The following DIAPH3 variants were observed in gnomAD, a reference collection of about 807,000 sequenced individuals.
DIAPH3 encodes the protein protein diaphanous homolog 3.
A neutral mutation model predicts 144.3 loss-of-function variants in DIAPH3; 117 were observed. The observed-to-expected ratio is 0.81, with a 90% CI of 0.70 to 0.95. The LOEUF (loss-of-function observed/expected upper bound fraction) is 0.95. Among genes scored for constraint, DIAPH3 ranks in the 40% least tolerant of loss-of-function variants. The pLI, the probability that DIAPH3 is intolerant of heterozygous loss-of-function variation, is 0.00. For synonymous variants in DIAPH3, 519 were observed against 488.9 expected (o/e 1.06, Z -0.81); for missense variants, 1,421 against 1,412.7 (o/e 1.01, Z -0.09).
intron 25 of DIAPH3, among the ~76,000 whole-genome samples, chr13:59,791,056 A>T (rs1280864286): frequency 6.6e-6 from 1 of 152,166 alleles, no homozygotes; most frequent in Non-Finnish European, 1.5e-5. Flanking sequence ...CGCTATAATA[A>T]TCTCAAACTC....
intron 9 of DIAPH3, among the ~76,000 whole-genome samples, chr13:59,995,414 A>C (rs528304522): frequency 7.9e-5 from 12 of 151,958 alleles, no homozygotes; most frequent in Non-Finnish European, 1.5e-4. Flanking sequence ...AAGGGTAAGA[A>C]AACAAGGAAC....
intron 17 of DIAPH3, among the ~76,000 whole-genome samples, chr13:59,934,456 C>G (rs573473242): frequency 1.0e-3 from 158 of 152,036 alleles, no homozygotes; most frequent in African/African-American, 3.6e-3. Context: ...TTCAACTCAA[C>G]TAAAAAAATA....
Position 60,146,818 on chromosome 13 carries a change from G to T in DIAPH3, c.181-13829C>A, listed in dbSNP as rs549201419. Among the ~76,000 whole-genome samples the T allele has an allele frequency of 1.9e-4, 29 of 152,320 alleles. 1 individual carries two copies. The South Asian group carries it at 5.8e-3, about 30-fold the overall frequency. Reference sequence around the variant, plus strand: ...CACACTAATAAAAAAAGGCAACAAGGTTTGCAGGAAGTCAGCAGCTGATAG... The same window carrying T: ...CACACTAATAAAAAAAGGCAACAAGTTTTGCAGGAAGTCAGCAGCTGATAG... On this transcript the variant is annotated intron_variant, in intron 1 of 27. Coordinates refer to ENST00000400324, the MANE Select transcript of DIAPH3 (RefSeq NM_001042517.2).
intron 27 of DIAPH3, among the ~76,000 whole-genome samples, chr13:59,684,406 T>C (rs1437990414): frequency 6.6e-6 from 1 of 152,200 alleles, no homozygotes; most frequent in African/African-American, 2.4e-5. Context: ...TGTTGTATTA[T>C]GGGGTTAGTT....
Position 59,971,043 on chromosome 13 carries a change from G to T in DIAPH3, c.1768C>A (p.Pro590Thr). The stretch of plus-strand genomic sequence containing the variant: ...GGAGGAGGTGGTGGGGGAGGAGGTG[G>T]AGGCGGCACCCCTCCACCAGAAGGC... ...PLPSGGGVPP[P>T]PPPPPPPPLP... Residue 590 changes from proline (P) to threonine (T), a missense_variant, in exon 16 of 28, where the codon CCA becomes ACA. By Grantham distance (38) the Pro-to-Thr change is conservative. Coordinates refer to ENST00000400324, the MANE Select transcript of DIAPH3 (RefSeq NM_001042517.2). 6.2e-7 allele frequency: 1 copy of T among 1,612,710 alleles called. No individual in the cohort carries two copies. Among genetic ancestry groups the T allele is most frequent in the Non-Finnish European group, 8.5e-7 (1 of 1,179,164 alleles).
At chr13:60,091,044 A>G (rs1740987577) in intron 4 of DIAPH3, among the ~76,000 whole-genome samples, 1 of 152,212 alleles carries the variant, frequency 6.6e-6, no homozygotes, top group Non-Finnish European at 1.5e-5. Context: ...CTCAAATTCA[A>G]GAATTAATAT....
chr13:59,831,785 G>C (rs1430152668), intron 24 of DIAPH3, among the ~76,000 whole-genome samples: 1 of 151,884 alleles, frequency 6.6e-6, no homozygotes, highest in Non-Finnish European at 1.5e-5. Context: ...TTTGGAATAT[G>C]AAGGTTTTGA....
At chr13:60,047,339 A>G (rs1173166975) in intron 4 of DIAPH3, among the ~76,000 whole-genome samples, 1 of 152,180 alleles carries the variant, frequency 6.6e-6, no homozygotes, top group African/African-American at 2.4e-5. Flanking sequence ...GTAGAAATTG[A>G]AAACTACATT....
chr13:59,670,368 A>G (rs2032291241), intron 27 of DIAPH3, among the ~76,000 whole-genome samples: 1 of 152,190 alleles, frequency 6.6e-6, no homozygotes, highest in Non-Finnish European at 1.5e-5. Context: ...CTTCATTCCC[A>G]GCCCTCACAT....
chr13:60,030,886 T>G (rs762564983), intron 5 of DIAPH3, among the ~76,000 whole-genome samples: 1 of 152,212 alleles, frequency 6.6e-6, no homozygotes, highest in Non-Finnish European at 1.5e-5. Flanking sequence ...TTTTTGTCAT[T>G]GTAGAAAGTT....
At chr13:60,032,227 G>A (rs755245105) in intron 5 of DIAPH3, among the ~76,000 whole-genome samples, 3 of 152,108 alleles carry the variant, frequency 2.0e-5, no homozygotes, top group Non-Finnish European at 4.4e-5. Context: ...CAAGCTGCTG[G>A]TCAATCTACC....
chr13:59,811,544 C>T (rs1375492201), intron 24 of DIAPH3, among the ~76,000 whole-genome samples: 2 of 152,158 alleles, frequency 1.3e-5, no homozygotes, highest in South Asian at 4.1e-4. Flanking sequence ...CGAGACCATC[C>T]TGGCTAACGT....
intron 17 of DIAPH3, among the ~76,000 whole-genome samples, chr13:59,954,769 T>C (rs924525557): frequency 1.3e-5 from 2 of 152,042 alleles, no homozygotes; most frequent in Admixed American, 1.3e-4. Context: ...GTACATCCTA[T>C]ATGACTGAAG....
At position 59,997,515 on chromosome 13, in the gene DIAPH3, C is replaced by T. The variant is rs77339114; in HGVS notation, c.1015-4932G>A. On this transcript the variant is annotated intron_variant, in intron 9 of 27. Transcript: ENST00000400324. ...TAGTGCTGTAATAAACACATGAGTG[C>T]CAGCATCCCTTTGAAATATTTATTT... Among the ~76,000 whole-genome samples, 1,509 of 152,158 alleles carry T rather than the reference C, an allele frequency of 9.9e-3. 16 individuals carry two copies. The highest frequency in any genetic ancestry group is 0.034 in the African/African-American group (1,394 of 41,522).
At chr13:59,792,242 T>G (rs2039364384) in intron 25 of DIAPH3, among the ~76,000 whole-genome samples, 1 of 152,152 alleles carries the variant, frequency 6.6e-6, no homozygotes, top group Non-Finnish European at 1.5e-5. Flanking sequence ...GCTTTCTCCT[T>G]GATCAAAGCT....
chr13:60,067,679 C>T (rs1409647522), intron 4 of DIAPH3, among the ~76,000 whole-genome samples: 2 of 152,110 alleles, frequency 1.3e-5, no homozygotes, highest in African/African-American at 2.4e-5. Context: ...AGTCATAATT[C>T]CTGAGAGTAA....
chr13:59,708,243 G>C (rs942392462), intron 27 of DIAPH3, among the ~76,000 whole-genome samples: 11 of 151,604 alleles, frequency 7.3e-5, no homozygotes, highest in African/African-American at 2.7e-4. Flanking sequence ...AAAAAAAAAC[G>C]TTTTAGAGAT....
chr13:60,134,744 A>G (rs80121081), intron 1 of DIAPH3, among the ~76,000 whole-genome samples: 5,636 of 152,358 alleles, frequency 0.037, 138 homozygotes, highest in East Asian at 0.075. Context: ...TTCTGGCACA[A>G]TGGCATGCCA....
intron 4 of DIAPH3, among the ~76,000 whole-genome samples, chr13:60,067,209 TGA>T (rs1269969943): frequency 6.6e-6 from 1 of 151,640 alleles, no homozygotes; most frequent in Non-Finnish European, 1.5e-5. Context: ...TGCTTGAGCA[TGA>T]GGAATTGAGG....
Sources: gnomAD v4.1 joint callset for allele counts (sites outside exome capture counted in the v4.1 genomes callset) on GRCh38, gnomAD v4.1.1 for gene constraint, MANE v1.5 for transcripts, NCBI Gene and HGNC (gene_info 2026-07-23, HGNC 2026-07-21) for gene names.